The following MARCO variants were observed in gnomAD, a reference collection of about 807,000 sequenced individuals.
MARCO encodes macrophage receptor MARCO.
In MARCO, 72 loss-of-function variants were observed where a neutral mutation model predicts 70.0. The ratio of observed to expected loss-of-function variants is 1.03; its 90% confidence interval spans 0.85 to 1.25. The LOEUF is 1.25. Among genes scored for constraint, MARCO ranks in the 50% most tolerant of loss-of-function variants. The pLI is 0.00. For missense variants in MARCO, 696 were observed against 659.3 expected, an observed-to-expected ratio of 1.06 and a Z score of -0.61; for synonymous variants, 273 against 243.1, an observed-to-expected ratio of 1.12 and a Z score of -1.14.
chr2:118,965,667 T>C (rs893854633), intron 1 of MARCO, among the ~76,000 whole-genome samples: 2 of 152,230 alleles, frequency 1.3e-5, no homozygotes, highest in African/African-American at 4.8e-5. Context: ...CTGAGTCCTA[T>C]TTAAAACTTC....
At chr2:118,952,034 T>TCCTTCC (rs1679732490) in intron 1 of MARCO, among the ~76,000 whole-genome samples, 2 of 152,152 alleles carry the variant, frequency 1.3e-5, no homozygotes, top group African/African-American at 2.4e-5. Flanking sequence ...CTCTCCCTTC[T>TCCTTCC]CCTTCCCCTT....
chr2:118,977,582 C>CA (rs1680309351), intron 7 of MARCO, 67 bp downstream of exon 7: 21 of 1,409,546 alleles, frequency 1.5e-5, no homozygotes, highest in Non-Finnish European at 2.0e-5. Flanking sequence ...AGTTCCCCCC[C>CA]ACCCCCCATC....
chr2:118,987,971 T>C (rs750802549), intron 12 of MARCO, among the ~76,000 whole-genome samples: 4 of 152,280 alleles, frequency 2.6e-5, no homozygotes, highest in South Asian at 2.1e-4. Flanking sequence ...TCAGGGAACA[T>C]TGGGAGGCTG....
Position 118,969,435 on chromosome 2 carries a change from G to A in MARCO, c.199+174G>A, listed in dbSNP as rs545906232. 2.0e-5 allele frequency among the ~76,000 whole-genome samples: 3 copies of A among 152,306 alleles called. No individual in the cohort carries two copies. In the East Asian group the frequency reaches 5.8e-4, roughly 29 times the overall value. Reference sequence around the variant, plus strand: ...GTGATGAGAGGAGCAAAGAAGGAGTGTATGTTGTGTGTATGTGTGCCTGAG... The same window carrying A: ...GTGATGAGAGGAGCAAAGAAGGAGTATATGTTGTGTGTATGTGTGCCTGAG... On this transcript the variant is annotated intron_variant, in intron 2 of 16. Coordinates refer to ENST00000327097, the MANE Select transcript of MARCO (RefSeq NM_006770.4).
At position 118,982,936 on chromosome 2, in the gene MARCO, G is replaced by A. The variant is rs563520558; in HGVS notation, c.1063+526G>A. Among the ~76,000 whole-genome samples the A allele has an allele frequency of 1.3e-4, 20 of 152,336 alleles. No individual in the cohort carries two copies. The East Asian group carries it at 1.7e-3, about 13-fold the overall frequency. On this transcript the variant is annotated intron_variant, in intron 12 of 16. Transcript: ENST00000327097. ...CCATCATGTCTATTTAGTCTAGGTCGTAAACCATTGTACCAATATAGTCTA... is the reference window on the plus strand; with the variant it reads ...CCATCATGTCTATTTAGTCTAGGTCATAAACCATTGTACCAATATAGTCTA...
intron 1 of MARCO, among the ~76,000 whole-genome samples, chr2:118,956,123 G>A (rs572638591): frequency 6.6e-6 from 1 of 152,230 alleles, no homozygotes; most frequent in East Asian, 1.9e-4. Flanking sequence ...CATGATGAAT[G>A]CAATGGTACC....
intron 13 of MARCO, among the ~76,000 whole-genome samples, 191 bp from the exon 14 acceptor site, chr2:118,991,586 G>A (rs899413846): frequency 6.6e-6 from 1 of 152,240 alleles, no homozygotes; most frequent in African/African-American, 2.4e-5. Flanking sequence ...GTTCTCGACA[G>A]CATTTACCTA....
At chr2:118,977,589 C>G in intron 7 of MARCO, 74 bp downstream of exon 7, 7 of 1,339,576 alleles carry the variant, frequency 5.2e-6, no homozygotes, top group Non-Finnish European at 6.4e-6. Flanking sequence ...CCCCACCCCC[C>G]ATCCTCTTTC....
intron 2 of MARCO, among the ~76,000 whole-genome samples, chr2:118,969,895 G>A (rs906180021): frequency 3.3e-5 from 5 of 152,214 alleles, no homozygotes; most frequent in Non-Finnish European, 5.9e-5. Flanking sequence ...TTTAGGCCAC[G>A]CAGAAATGTT....
intron 15 of MARCO, chr2:118,992,871 G>T (rs937538722): frequency 2.0e-6 from 1 of 492,366 alleles, no homozygotes; most frequent in African/African-American, 2.0e-5. Context: ...AAGACGTGGT[G>T]TATGCGATTT....
chr2:118,977,486 A>G lies in MARCO; in HGVS notation c.629A>G (p.Gln210Arg). Residue 210 changes from glutamine to arginine, a missense_variant, in exon 7 of 17, where the codon CAG becomes CGG. This residue lies in a region of MARCO where 605 missense variants were observed against 537.6 expected (regional missense o/e 1.13). Coordinates refer to ENST00000327097, the MANE Select transcript of MARCO (RefSeq NM_006770.4). ...VKGEAGLQGP[Q>R]GAPGKQGATG... ...TTCCTCACAGGCCTCCAAGGACCCC[A>G]GGGTGCTCCAGGGAAGCAAGGAGCC... 1 of 1,613,972 alleles carries G rather than the reference A, an allele frequency of 6.2e-7. No individual in the cohort carries two copies. Among genetic ancestry groups the G allele is most frequent in the Non-Finnish European group, 8.5e-7 (1 of 1,179,912 alleles).
At chr2:118,989,928 A>T (rs1946891) in intron 12 of MARCO, among the ~76,000 whole-genome samples, 6,344 of 152,308 alleles carry the variant, frequency 0.042, 446 homozygotes, top group African/African-American at 0.14. Flanking sequence ...ACCCAGCAGG[A>T]TGCTGGGGAC....
chr2:118,972,115 A>T (rs1339367569), intron 4 of MARCO, among the ~76,000 whole-genome samples: 2 of 152,092 alleles, frequency 1.3e-5, no homozygotes, highest in East Asian at 3.9e-4. Flanking sequence ...AGTGGAGATA[A>T]TCGACTCGCC....
At chr2:118,952,606 G>C (rs1333391470) in intron 1 of MARCO, 3 of 152,178 alleles carry the variant, frequency 2.0e-5, no homozygotes, top group Non-Finnish European at 4.4e-5. Context: ...CTGTGGCTTT[G>C]CCTTCCTTGG....
chr2:118,979,355 C>T (rs115527760), intron 8 of MARCO, among the ~76,000 whole-genome samples: 181 of 152,238 alleles, frequency 1.2e-3, no homozygotes, highest in African/African-American at 4.1e-3. Flanking sequence ...TGGGTTTTAG[C>T]GGGAAGCTGA....
chr2:118,974,700 G>C, intron 6 of MARCO, 135 bp downstream of exon 6: 2 of 861,966 alleles, frequency 2.3e-6, no homozygotes, highest in Non-Finnish European at 3.6e-6. Context: ...CCTGGTGGGA[G>C]ACCCCAGAGG....
chr2:118,990,569 C>CTTTTTTTTTTTT lies in MARCO; in HGVS notation c.1064-14_1064-13insTTTTTTTTTTTT. 2 of 1,415,984 alleles carry CTTTTTTTTTTTT rather than the reference C, an allele frequency of 1.4e-6. No homozygotes were observed. The allele number at this position is 1,415,984 out of a possible 1,614,324, so 87.7% of individuals were successfully genotyped here. A position where few individuals can be genotyped will look rare whatever the true frequency, so the allele number is the denominator to read the frequency against. ...AGTTTTATTATCTCCTCCCCCCCCC[C>CTTTTTTTTTTTT]TTTTTTGTTTTGATCTTAGGACTTC... On this transcript the variant is annotated intron_variant, in intron 12 of 16. Coordinates refer to ENST00000327097, the MANE Select transcript of MARCO (RefSeq NM_006770.4).
chr2:118,943,675 A>G (rs922997766), intron 1 of MARCO, among the ~76,000 whole-genome samples: 1 of 152,244 alleles, frequency 6.6e-6, no homozygotes, highest in Non-Finnish European at 1.5e-5. Flanking sequence ...AGTCCGTTAG[A>G]GAAAGAAGTT....
chr2:118,974,528 G>C lies in MARCO; in HGVS notation c.576G>C (p.Ser192=). 6.2e-7 allele frequency: 1 copy of C among 1,613,784 alleles called. No homozygotes were observed. The highest frequency in any genetic ancestry group is 1.1e-5 in the South Asian group (1 of 90,984). ...ATTCCCTTTCCCTTCCAGGCCCCTC[G>C]GGACCCCAAGGCCCACCGGGAGTCA... ...AMGRDGATGP[S]GPQGPPGVKG... is the part of the protein sequence containing the mutation. The change falls in exon 6 of 17, where the codon TCG becomes TCC. Residue 192 remains serine (S), a synonymous_variant. Coordinates refer to ENST00000327097, the MANE Select transcript of MARCO (RefSeq NM_006770.4).
Sources: gnomAD v4.1 joint callset for allele counts (sites outside exome capture counted in the v4.1 genomes callset) on GRCh38, gnomAD v4.1.1 for gene constraint, gnomAD v4.1.1 regional missense constraint, MANE v1.5 for transcripts, NCBI Gene and HGNC (gene_info 2026-07-23, HGNC 2026-07-21) for gene names.